The following ADAM22 variants were observed in gnomAD, a reference collection of about 807,000 sequenced individuals.
ADAM22 encodes the protein disintegrin and metalloproteinase domain-containing protein 22.
ADAM22 carries 65 observed loss-of-function variants against 144.6 expected under a neutral mutation model. The ratio of observed to expected loss-of-function variants is 0.45; its 90% CI spans 0.37 to 0.55. The LOEUF is 0.55. Among genes scored for constraint, ADAM22 ranks in the 20% least tolerant of loss-of-function variants. The pLI is 0.00. For missense variants in ADAM22, 974 were observed against 1,184.9 expected (o/e 0.82, Z 2.61); for synonymous variants, 391 against 412.6 (o/e 0.95, Z 0.63).
At chr7:88,142,600 A>G (rs1016245054) in intron 14 of ADAM22, among the ~76,000 whole-genome samples, 3 of 152,172 alleles carry the variant, frequency 2.0e-5, no homozygotes, top group African/African-American at 7.2e-5. Flanking sequence ...GCACTTTGGG[A>G]GGCCGAGGCG....
At chr7:88,050,238 A>AC (rs982442655) in intron 3 of ADAM22, among the ~76,000 whole-genome samples, 4 of 150,320 alleles carry the variant, frequency 2.7e-5, no homozygotes, top group African/African-American at 9.8e-5. Flanking sequence ...AAAAAAAAAA[A>AC]AAAAAACCTG....
chr7:87,936,581 T>G (rs1841301962), intron 2 of ADAM22, among the ~76,000 whole-genome samples: 1 of 152,184 alleles, frequency 6.6e-6, no homozygotes, highest in South Asian at 2.1e-4. Flanking sequence ...AATCTTGTTT[T>G]GTCTATACCC....
chr7:87,960,988 A>G (rs1847886728), intron 2 of ADAM22, among the ~76,000 whole-genome samples: 1 of 152,240 alleles, frequency 6.6e-6, no homozygotes, highest in Admixed American at 6.5e-5. Context: ...CACATAGACA[A>G]AAATATAGTA....
chr7:88,114,679 G>GA (rs1479177278), intron 6 of ADAM22, 32 bp downstream of exon 6: 1 of 1,605,788 alleles, frequency 6.2e-7, no homozygotes, highest in African/African-American at 1.3e-5. Context: ...TGTGGCAAAT[G>GA]GAAATGTTTA....
intron 26 of ADAM22, among the ~76,000 whole-genome samples, chr7:88,176,433 A>G (rs937659837): frequency 6.6e-6 from 1 of 152,228 alleles, no homozygotes; most frequent in African/African-American, 2.4e-5. Flanking sequence ...CCAGAAGTAC[A>G]TTGAACTGAA....
intron 17 of ADAM22, among the ~76,000 whole-genome samples, chr7:88,147,225 T>C (rs1836774697): frequency 6.6e-6 from 1 of 152,208 alleles, no homozygotes; most frequent in South Asian, 2.1e-4. Flanking sequence ...TTTGCCACTT[T>C]CTTTACCATC....
chr7:88,103,491 C>T (rs961103281), intron 4 of ADAM22, among the ~76,000 whole-genome samples: 6 of 151,990 alleles, frequency 3.9e-5, no homozygotes, highest in South Asian at 2.1e-4. Context: ...TATAAACTAT[C>T]GTCTTCATTT....
chr7:87,943,782 CTTG>C (rs1009849995), intron 2 of ADAM22, among the ~76,000 whole-genome samples: 1 of 152,084 alleles, frequency 6.6e-6, no homozygotes, highest in African/African-American at 2.4e-5. Context: ...CCTAAATATG[CTTG>C]TTATTTGTGT....
intron 4 of ADAM22, among the ~76,000 whole-genome samples, chr7:88,087,702 T>C (rs1168267638): frequency 1.3e-5 from 2 of 152,200 alleles, no homozygotes; most frequent in African/African-American, 4.8e-5. Flanking sequence ...AATTATTTGA[T>C]CTGATATGAT....
chr7:88,001,748 T>C (rs1467723333), intron 3 of ADAM22, among the ~76,000 whole-genome samples: 1 of 151,864 alleles, frequency 6.6e-6, no homozygotes, highest in African/African-American at 2.4e-5. Flanking sequence ...CTTGGCATGG[T>C]GGCCTAATAA....
chr7:88,036,176 A>C (rs778761549), intron 3 of ADAM22, among the ~76,000 whole-genome samples: 30 of 152,292 alleles, frequency 2.0e-4, no homozygotes, highest in Admixed American at 5.9e-4. Context: ...TTTAAAACAC[A>C]ATAGGCTTTC....
chr7:88,075,600 G>C, intron 3 of ADAM22, 26 bp from the exon 4 acceptor site: 1 of 1,605,490 alleles, frequency 6.2e-7, no homozygotes, highest in Non-Finnish European at 8.5e-7. Flanking sequence ...ATCCTCTTTA[G>C]TCATCATTTA....
rs114176206 is a variant in ADAM22 at position 88,065,054 on chromosome 7, C to T, written c.324-10572C>T. 4.6e-3 allele frequency among the ~76,000 whole-genome samples: 699 copies of T among 152,064 alleles called. 8 individuals are homozygous for T. Among genetic ancestry groups the T allele is most frequent in the African/African-American group, 0.016 (673 of 41,498 alleles). On this transcript the variant is annotated intron_variant, in intron 3 of 31. Coordinates refer to ENST00000413139, the MANE Select transcript of ADAM22 (RefSeq NM_001324418.2). ...AATAATTAAGATGTTTAATACTTTT[C>T]TTGAGAAATTTTGTGATAAGTACCC...
At chr7:88,188,293 G>A (rs1286799691) in intron 30 of ADAM22, among the ~76,000 whole-genome samples, 1 of 152,096 alleles carries the variant, frequency 6.6e-6, no homozygotes, top group African/African-American at 2.4e-5. Context: ...GAGCTGAGTA[G>A]TTTATGTGGC....
chr7:88,145,375 C>T (rs753057208), intron 16 of ADAM22, 40 bp from the exon 17 acceptor site: 43 of 1,549,114 alleles, frequency 2.8e-5, no homozygotes, highest in Middle Eastern at 1.7e-4. Flanking sequence ...AGGAAAGTGA[C>T]ACCGTTTTCT....
chr7:87,955,315 G>T (rs1280850501), intron 2 of ADAM22, among the ~76,000 whole-genome samples: 1 of 152,066 alleles, frequency 6.6e-6, no homozygotes, highest in Non-Finnish European at 1.5e-5. Flanking sequence ...GGTTTTTGGT[G>T]TGGATGTTCT....
At chr7:87,952,637 C>T (rs1280295452) in intron 2 of ADAM22, among the ~76,000 whole-genome samples, 1 of 151,972 alleles carries the variant, frequency 6.6e-6, no homozygotes, top group Admixed American at 6.6e-5. Flanking sequence ...GCTTTGGTAT[C>T]AGGATGATGC....
At chr7:88,122,239 C>CCTA (rs1210786009) in intron 7 of ADAM22, among the ~76,000 whole-genome samples, 2 of 152,190 alleles carry the variant, frequency 1.3e-5, no homozygotes, top group Non-Finnish European at 2.9e-5. Context: ...CATAGGGAAG[C>CCTA]TCACAACACT....
Position 88,165,963 on chromosome 7 carries a change from G to A in ADAM22, c.2191+17G>A, listed in dbSNP as rs140920001. 375 of 1,562,262 alleles carry A rather than the reference G, an allele frequency of 2.4e-4. 1 individual carries two copies. The highest frequency in any genetic ancestry group is 1.0e-3 in the Middle Eastern group (6 of 5,942). On this transcript the variant is annotated intron_variant, in intron 24 of 31. Coordinates refer to ENST00000413139, the MANE Select transcript of ADAM22 (RefSeq NM_001324418.2). ...CTGGCAATGGTAAGTACTTAATTTG[G>A]TAACATTATGTAGTCTTTATACACA...
Sources: gnomAD v4.1 joint callset for allele counts (sites outside exome capture counted in the v4.1 genomes callset) on GRCh38, gnomAD v4.1.1 for gene constraint, MANE v1.5 for transcripts, NCBI Gene and HGNC (gene_info 2026-07-23, HGNC 2026-07-21) for gene names.